PLSCR2: variants seen among roughly 807,000 people sequenced by gnomAD.
PLSCR2 encodes the protein PL scramblase 2.
PLSCR2 carries 18 observed loss-of-function variants against 25.3 expected under a neutral mutation model. The observed-to-expected ratio is 0.71, with a 90% confidence interval of 0.49 to 1.06. The LOEUF (loss-of-function observed/expected upper bound fraction) is 1.06. Among genes scored for constraint, PLSCR2 ranks in the 50% least tolerant of loss-of-function variants. The probability of loss-of-function intolerance (pLI) is 0.00; values close to 1 mark genes in which losing one functional copy is unlikely to be tolerated. For synonymous variants in PLSCR2, 88 were observed against 87.3 expected, an observed-to-expected ratio of 1.01 and a Z score of -0.04; for missense variants, 243 against 269.5, an observed-to-expected ratio of 0.90 and a Z score of 0.69.
At chr3:146,468,117 T>C (rs1710272270) in intron 1 of PLSCR2, among the ~76,000 whole-genome samples, 1 of 152,230 alleles carries the variant, frequency 6.6e-6, no homozygotes, top group Non-Finnish European at 1.5e-5. Context: ...TTTCAGTCAG[T>C]AAGAATAGTT....
upstream of PLSCR2, among the ~76,000 whole-genome samples, chr3:146,460,443 G>GAAAAAAAAAA (rs59446001): frequency 2.2e-5 from 3 of 133,774 alleles, no homozygotes; most frequent in African/African-American, 2.7e-5. Flanking sequence ...GATGAAATTG[G>GAAAAAAAAAA]AAAAAAAAAA....
intron 2 of PLSCR2, among the ~76,000 whole-genome samples, chr3:146,415,588 T>C (rs2038983546): frequency 6.6e-6 from 1 of 152,140 alleles, no homozygotes; most frequent in South Asian, 2.1e-4. Context: ...AAGTTTATAA[T>C]TAAGCATTGA....
chr3:146,414,227 T>C (rs1044494498), intron 2 of PLSCR2, among the ~76,000 whole-genome samples: 3 of 152,184 alleles, frequency 2.0e-5, no homozygotes, highest in Non-Finnish European at 2.9e-5. Context: ...CTCTTAAAGG[T>C]CCAACCTGTC....
intron 1 of PLSCR2, 51 bp downstream of exon 1, chr3:146,469,444 C>T (rs2042017398): frequency 2.1e-6 from 2 of 930,464 alleles, no homozygotes; most frequent in Non-Finnish European, 2.6e-6. Context: ...CCCCACTAGC[C>T]AGGCACACCC....
At chr3:146,472,734 T>C (rs2042160507) in intron 1 of PLSCR2, among the ~76,000 whole-genome samples, 1 of 152,208 alleles carries the variant, frequency 6.6e-6, no homozygotes, top group African/African-American at 2.4e-5. Context: ...CATATAAATT[T>C]TGAGTGGACA....
chr3:146,483,485 A>ATATATACACGTG (rs1553791555), intron 1 of PLSCR2, among the ~76,000 whole-genome samples: 4 of 85,664 alleles, frequency 4.7e-5, no homozygotes, highest in Admixed American at 2.4e-4. Flanking sequence ...ATGTGTATAT[A>ATATATACACGTG]TATATATATA....
chr3:146,439,573 T>C (rs1192312263), downstream of PLSCR2, among the ~76,000 whole-genome samples: 2 of 151,844 alleles, frequency 1.3e-5, no homozygotes, highest in Non-Finnish European at 3.0e-5. Context: ...AATTGGGTAC[T>C]GTGTGCATGC....
intron 5 of PLSCR2, among the ~76,000 whole-genome samples, chr3:146,452,083 G>T (rs2040932151): frequency 6.6e-6 from 1 of 152,202 alleles, no homozygotes; most frequent in Admixed American, 6.5e-5. Context: ...TCTTGCATTT[G>T]TGGTTGGAAT....
intron 8 of PLSCR2, among the ~76,000 whole-genome samples, chr3:146,436,076 T>C (rs377002323): frequency 6.6e-5 from 10 of 152,192 alleles, no homozygotes; most frequent in Admixed American, 5.2e-4. Flanking sequence ...AAAGATCAGA[T>C]GGTTGTACAT....
chr3:146,495,776 G>C, intron 1 of PLSCR2: 1 of 685,800 alleles, frequency 1.5e-6, no homozygotes, highest in Admixed American at 2.7e-5. Flanking sequence ...TGAGTTTAAG[G>C]TCCCCATTAG....
chr3:146,464,318 T>C (rs772210732), upstream of PLSCR2, among the ~76,000 whole-genome samples: 5 of 152,206 alleles, frequency 3.3e-5, no homozygotes, highest in African/African-American at 4.8e-5. Context: ...AGCCAATTTC[T>C]TATAATACAT....
upstream of PLSCR2, among the ~76,000 whole-genome samples, chr3:146,460,911 G>A (rs1297632504): frequency 2.0e-5 from 3 of 152,058 alleles, no homozygotes; most frequent in Admixed American, 2.0e-4. Flanking sequence ...TTATGATATT[G>A]CGGTTACAAA....
At chr3:146,428,163 G>A (rs976941297) in intron 2 of PLSCR2, among the ~76,000 whole-genome samples, 3 of 152,182 alleles carry the variant, frequency 2.0e-5, no homozygotes, top group African/African-American at 7.2e-5. Context: ...AATTTACTCT[G>A]TAAAGGGTAT....
intron 2 of PLSCR2, among the ~76,000 whole-genome samples, chr3:146,420,490 G>T (rs75027967): frequency 3.3e-5 from 5 of 151,756 alleles, no homozygotes; most frequent in Non-Finnish European, 5.9e-5. Context: ...GCTAAGTAAC[G>T]CTGTGTTGAT....
chr3:146,442,174 T>C (rs1454521482), intron 6 of PLSCR2, among the ~76,000 whole-genome samples: 4 of 152,086 alleles, frequency 2.6e-5, no homozygotes, highest in Admixed American at 2.6e-4. Flanking sequence ...TTCTTGTAAT[T>C]TGAATTCATT....
At chr3:146,399,169 G>A (rs1437295099) in intron 2 of PLSCR2, among the ~76,000 whole-genome samples, 5 of 151,964 alleles carry the variant, frequency 3.3e-5, no homozygotes, top group South Asian at 2.1e-4. Flanking sequence ...GAAACACAAC[G>A]AAACTTTAAT....
intron 1 of PLSCR2, among the ~76,000 whole-genome samples, chr3:146,473,507 T>A (rs140463008): frequency 1.4e-3 from 215 of 152,188 alleles, no homozygotes; most frequent in African/African-American, 4.8e-3. Context: ...GGTTTCGCCA[T>A]GTTGGTCAGG....
At chr3:146,481,547 G>T (rs2043130302) in intron 1 of PLSCR2, among the ~76,000 whole-genome samples, 1 of 152,170 alleles carries the variant, frequency 6.6e-6, no homozygotes, top group African/African-American at 2.4e-5. Context: ...TCTTCAAGGA[G>T]AACTACAAAC....
At chr3:146,461,560 G>T (rs186132122), upstream of PLSCR2, among the ~76,000 whole-genome samples, 486 of 152,228 alleles carry the variant, frequency 3.2e-3, 3 homozygotes, top group South Asian at 0.018. Context: ...CAGAGGATAA[G>T]TAAGTTACTT....
Sources: allele counts gnomAD v4.1 joint callset (sites outside exome capture counted in the v4.1 genomes callset), GRCh38; gene constraint gnomAD v4.1.1; transcripts MANE v1.5; gene names NCBI Gene and HGNC (gene_info 2026-07-23, HGNC 2026-07-21).